The following L3MBTL4 variants were observed in gnomAD, a reference collection of about 807,000 sequenced individuals.
L3MBTL4 encodes the protein L3MBTL histone methyl-lysine binding protein 4.
In L3MBTL4, 70 loss-of-function variants were observed where a neutral mutation model predicts 84.5. The observed-to-expected ratio is 0.83, with a 90% CI of 0.68 to 1.01. The LOEUF (loss-of-function observed/expected upper bound fraction) is 1.01, where lower values mean the gene tolerates loss of function less well. Ranked by LOEUF, L3MBTL4 falls within the 50% of genes least tolerant of loss-of-function variation. L3MBTL4 has a pLI of 0.00. For missense variants in L3MBTL4, 715 were observed against 754.8 expected (o/e 0.95, Z 0.62); for synonymous variants, 274 against 259.8 (o/e 1.05, Z -0.52).
In L3MBTL4 at chr18:5,964,343, G is replaced by A. The variant is rs568797452; in HGVS notation, c.1615-4187C>T. On this transcript the variant is annotated intron_variant, in intron 17 of 18. Transcript: ENST00000317931. ...CTGGCATCATCGCTGGAGCTCAGCAGGACTCATGTTCTTCCGTGGGGCTGC... is the reference window on the plus strand; with the variant it reads ...CTGGCATCATCGCTGGAGCTCAGCAAGACTCATGTTCTTCCGTGGGGCTGC... Among the ~76,000 whole-genome samples the A allele has an allele frequency of 8.5e-5, 13 of 152,304 alleles. 1 individual carries two copies. In the East Asian group the frequency reaches 2.3e-3, roughly 27 times the overall value.
intron 14 of L3MBTL4, among the ~76,000 whole-genome samples, chr18:6,110,753 A>ATGGTCAAT (rs2144087711): frequency 1.3e-5 from 2 of 152,206 alleles, no homozygotes; most frequent in South Asian, 4.2e-4. Flanking sequence ...CAGAGAGGAC[A>ATGGTCAAT]TGGTCAATGA....
intron 16 of L3MBTL4, among the ~76,000 whole-genome samples, chr18:6,000,731 A>C (rs2054174297): frequency 6.6e-6 from 1 of 152,238 alleles, no homozygotes; most frequent in South Asian, 2.1e-4. Context: ...ATTGGAATGC[A>C]ATAACAAGAC....
intron 1 of L3MBTL4, among the ~76,000 whole-genome samples, chr18:6,320,793 T>A (rs2051362701): frequency 6.6e-6 from 1 of 152,070 alleles, no homozygotes; most frequent in East Asian, 1.9e-4. Flanking sequence ...AAAGCAACCC[T>A]AAGCAAAAAT....
chr18:6,322,514 A>AC (rs2051476908), intron 1 of L3MBTL4, among the ~76,000 whole-genome samples: 3 of 132,702 alleles, frequency 2.3e-5, no homozygotes, highest in Non-Finnish European at 5.2e-5. Flanking sequence ...AAGAAGGAAA[A>AC]AAAAAACAAA....
chr18:6,130,164 T>C (rs957327127), intron 14 of L3MBTL4, among the ~76,000 whole-genome samples: 1 of 152,190 alleles, frequency 6.6e-6, no homozygotes, highest in Non-Finnish European at 1.5e-5. Context: ...TGGGGCGATT[T>C]GCCTCATACT....
chr18:6,178,145 T>C (rs769781007), intron 12 of L3MBTL4, among the ~76,000 whole-genome samples: 2 of 152,148 alleles, frequency 1.3e-5, no homozygotes, highest in Non-Finnish European at 2.9e-5. Context: ...GTACAATATT[T>C]TTACATACCC....
chr18:6,043,193 G>A (rs987845338), intron 16 of L3MBTL4, among the ~76,000 whole-genome samples: 1 of 152,140 alleles, frequency 6.6e-6, no homozygotes, highest in Non-Finnish European at 1.5e-5. Context: ...GGACACTTCA[G>A]TGGGTTTCCA....
intron 16 of L3MBTL4, among the ~76,000 whole-genome samples, chr18:6,058,424 G>A (rs1025457802): frequency 4.6e-5 from 7 of 151,926 alleles, no homozygotes; most frequent in South Asian, 4.2e-4. Flanking sequence ...AAACTTTTTC[G>A]TACAAAACAG....
chr18:6,413,801 A>T (rs906723398), intron 1 of L3MBTL4, among the ~76,000 whole-genome samples: 1 of 152,262 alleles, frequency 6.6e-6, no homozygotes, highest in African/African-American at 2.4e-5. Flanking sequence ...TAAGTACAGC[A>T]GTCTCAACAG....
chr18:6,057,984 G>A (rs1208158788), intron 16 of L3MBTL4, among the ~76,000 whole-genome samples: 1 of 152,098 alleles, frequency 6.6e-6, no homozygotes, highest in Non-Finnish European at 1.5e-5. Context: ...AAAATTTCTT[G>A]TGTCTTAACT....
At chr18:6,003,717 A>C (rs2054330224) in intron 16 of L3MBTL4, among the ~76,000 whole-genome samples, 1 of 152,092 alleles carries the variant, frequency 6.6e-6, no homozygotes, top group Non-Finnish European at 1.5e-5. Flanking sequence ...GACCACAATT[A>C]GGTGAAATTA....
chr18:6,210,418 G>A lies in L3MBTL4; in HGVS notation c.981+2731C>T, dbSNP rs190576135. On this transcript the variant is annotated intron_variant, in intron 12 of 18. Transcript: ENST00000317931. Reference sequence around the variant, plus strand: ...GGATAAAAATTAGAACACAGAGTAGGAAGAGTAGGAATGCTATAAGCTCTA... The same window carrying A: ...GGATAAAAATTAGAACACAGAGTAGAAAGAGTAGGAATGCTATAAGCTCTA... Among the ~76,000 whole-genome samples the A allele has an allele frequency of 3.2e-3, 484 of 152,334 alleles. 7 individuals carry two copies. The highest frequency in any genetic ancestry group is 3.1e-3 in the Non-Finnish European group (211 of 68,028).
Position 6,390,164 on chromosome 18 carries a change from C to T in L3MBTL4, c.-91+24637G>A, listed in dbSNP as rs551521885. 4.7e-4 allele frequency among the ~76,000 whole-genome samples: 71 copies of T among 151,568 alleles called. 2 individuals carry two copies. The South Asian group carries it at 0.015, about 31-fold the overall frequency. On this transcript the variant is annotated intron_variant, in intron 1 of 18. Transcript: ENST00000317931. ...AAAAGGAGCCCTCAAGACTATATAT[C>T]TATATATATATACATATACACACAC...
intron 16 of L3MBTL4, among the ~76,000 whole-genome samples, chr18:6,066,110 A>C (rs1227920754): frequency 6.6e-6 from 1 of 152,058 alleles, no homozygotes; most frequent in Non-Finnish European, 1.5e-5. Context: ...TTTCATTGTT[A>C]AACCAAAAAT....
chr18:6,054,053 C>A (rs2056928208), intron 16 of L3MBTL4, among the ~76,000 whole-genome samples: 1 of 152,296 alleles, frequency 6.6e-6, no homozygotes, highest in Middle Eastern at 3.4e-3. Flanking sequence ...TTCTTTCCTA[C>A]CTGGGAGATA....
At chr18:6,070,320 C>T (rs998854833) in intron 16 of L3MBTL4, among the ~76,000 whole-genome samples, 2 of 152,032 alleles carry the variant, frequency 1.3e-5, no homozygotes, top group South Asian at 4.1e-4. Context: ...CCAAGACATA[C>T]TCCTTTCAAA....
At chr18:6,201,802 A>G (rs866888074) in intron 12 of L3MBTL4, among the ~76,000 whole-genome samples, 5 of 152,184 alleles carry the variant, frequency 3.3e-5, no homozygotes, top group African/African-American at 9.7e-5. Context: ...CCCCATAAAT[A>G]TGTACAAATA....
At chr18:6,098,006 A>G (rs146027169) in intron 14 of L3MBTL4, among the ~76,000 whole-genome samples, 2 of 151,452 alleles carry the variant, frequency 1.3e-5, no homozygotes, top group East Asian at 3.9e-4. Context: ...TTCCTCTTGA[A>G]CTCTTCCTAT....
intron 10 of L3MBTL4, among the ~76,000 whole-genome samples, chr18:6,220,541 C>T (rs1649654737): frequency 6.6e-6 from 1 of 152,146 alleles, no homozygotes; most frequent in South Asian, 2.1e-4. Flanking sequence ...AATGTATGTG[C>T]CCTTCCTAAC....
Sources: allele counts gnomAD v4.1 joint callset (sites outside exome capture counted in the v4.1 genomes callset), GRCh38; gene constraint gnomAD v4.1.1; transcripts MANE v1.5; gene names NCBI Gene and HGNC (gene_info 2026-07-23, HGNC 2026-07-21).